The following MOV10L1 variants were observed in gnomAD, a reference collection of about 807,000 sequenced individuals.
The protein encoded by MOV10L1 is RNA helicase Mov10l1.
MOV10L1 carries 110 observed loss-of-function variants against 143.8 expected under a neutral mutation model. That is an observed-to-expected ratio of 0.76 (90% CI 0.66 to 0.90). The LOEUF (loss-of-function observed/expected upper bound fraction) is 0.90. MOV10L1 is among the 40% of genes least tolerant of loss of function. The pLI is 0.00. For missense variants in MOV10L1, 1,406 were observed against 1,526.8 expected (o/e 0.92, Z 1.32); for synonymous variants, 593 against 581.1 (o/e 1.02, Z -0.29).
rs1569055013 is a variant in MOV10L1 at position 50,158,582 on chromosome 22, T to C, written c.3216+376T>C. The C allele has an allele frequency of 5.0e-6, 1 of 201,244 alleles. No individual in the cohort carries two copies. Among genetic ancestry groups the C allele is most frequent in the Non-Finnish European group, 1.0e-5 (1 of 98,770 alleles). The allele number at this position is 201,244 out of a possible 1,614,324, so 12.5% of individuals were successfully genotyped here. A position where few individuals can be genotyped will look rare whatever the true frequency, so the allele number is the denominator to read the frequency against. ...GGACGCTTCTCATTTCGTATGACTC[T>C]GTGATGTGATTATAGGAGAGTTAGC... On this transcript the variant is annotated intron_variant, in intron 23 of 26. Transcript: ENST00000262794. The surrounding 1 kb of genome is among the most constrained non-coding windows in gnomAD (Gnocchi z 5.0).
chr22:50,129,194 C>T (rs556311003), intron 13 of MOV10L1, among the ~76,000 whole-genome samples: 3 of 152,152 alleles, frequency 2.0e-5, no homozygotes, highest in Admixed American at 2.0e-4. Context: ...TTTCCCAGAT[C>T]TCATGTGCAC....
Position 50,152,979 on chromosome 22 carries a change from T to G in MOV10L1, c.2893-66T>G. ...CTCACGTTTGCTGTGCAGAGCCGCTTTTCGTTCGACAGAAACTGTGCCGGG... is the reference window on the plus strand; with the variant it reads ...CTCACGTTTGCTGTGCAGAGCCGCTGTTCGTTCGACAGAAACTGTGCCGGG... On this transcript the variant is annotated intron_variant, in intron 21 of 26. Transcript: ENST00000262794. This position sits in a 1 kb window ranked among gnomAD's most constrained non-coding sequence, Gnocchi z 4.4. The G allele has an allele frequency of 6.7e-7, 1 of 1,500,250 alleles. No homozygotes were observed. The highest frequency in any genetic ancestry group is 1.3e-5 in the South Asian group (1 of 78,340). The allele number at this position is 1,500,250 out of a possible 1,614,324, so 92.9% of individuals were successfully genotyped here. A position where few individuals can be genotyped will look rare whatever the true frequency, so the allele number is the denominator to read the frequency against.
chr22:50,155,943 C>T (rs1040738044), intron 22 of MOV10L1, among the ~76,000 whole-genome samples: 1 of 152,088 alleles, frequency 6.6e-6, no homozygotes, highest in African/African-American at 2.4e-5. Context: ...CCCAGCTACT[C>T]AGGAGGCTGA....
chr22:50,141,437 T>C (rs1483192620), intron 15 of MOV10L1, among the ~76,000 whole-genome samples: 2 of 150,128 alleles, frequency 1.3e-5, no homozygotes, highest in African/African-American at 4.9e-5. Flanking sequence ...CAAGTGATCC[T>C]CCCACCTCAG....
At chr22:50,093,994 G>C (rs1011118696) in intron 2 of MOV10L1, 1 of 152,254 alleles carries the variant, frequency 6.6e-6, no homozygotes, top group Non-Finnish European at 1.5e-5. Flanking sequence ...ATGTGGTCCT[G>C]ATGCTTGTAA....
intron 9 of MOV10L1, among the ~76,000 whole-genome samples, chr22:50,120,003 G>T (rs1313806371): frequency 6.6e-6 from 1 of 152,042 alleles, no homozygotes; most frequent in African/African-American, 2.4e-5. Context: ...CCAGAGCAGC[G>T]ATGTTCTTCA....
At chr22:50,155,490 T>A (rs2063402793) in intron 22 of MOV10L1, among the ~76,000 whole-genome samples, 1 of 152,142 alleles carries the variant, frequency 6.6e-6, no homozygotes, top group African/African-American at 2.4e-5. Context: ...ATCTGTTTTG[T>A]TTTGAGACAG....
rs1358590785 is a variant in MOV10L1, at chr22:50,150,790, C to T, written c.2783C>T (p.Ala928Val). Residue 928 changes from alanine (A) to valine (V), a missense_variant, in exon 21 of 27, where the codon GCC (alanine) becomes GTC (valine). Ala to Val is a moderately conservative substitution (Grantham distance 64). Coordinates refer to ENST00000262794, the MANE Select transcript of MOV10L1 (RefSeq NM_018995.3). ...GGCCCAGTCATTAAGTCCAGACTCGCCATGGCCTATGGGCTGAACGTGTCC... is the reference window on the plus strand; with the variant it reads ...GGCCCAGTCATTAAGTCCAGACTCGTCATGGCCTATGGGCTGAACGTGTCC... ...QLGPVIKSRL[A>V]MAYGLNVSFL... 6.2e-7 allele frequency: 1 copy of T among 1,614,094 alleles called. No homozygotes were observed. The highest frequency in any genetic ancestry group is 1.7e-5 in the Admixed American group (1 of 60,006).
rs138255 is a variant in MOV10L1 at position 50,133,454 on chromosome 22, T to TA, written c.1911-536dup. Among the ~76,000 whole-genome samples, 991 of 127,230 alleles carry TA rather than the reference T, an allele frequency of 7.8e-3. 10 individuals carry two copies. The highest frequency in any genetic ancestry group is 0.04 in the Middle Eastern group (10 of 252). 83.5% of individuals were successfully genotyped at this position (127,230 alleles called of 152,430 possible). A position where few individuals can be genotyped will look rare whatever the true frequency, so the allele number is the denominator to read the frequency against. On this transcript the variant is annotated intron_variant, in intron 13 of 26. Coordinates refer to ENST00000262794, the MANE Select transcript of MOV10L1 (RefSeq NM_018995.3). ...AGCCTAGGCAACAGAGCAGAGTCTC[T>TA]AAAAAAAAAAAAAAAAAGAAAGAAA...
intron 5 of MOV10L1, among the ~76,000 whole-genome samples, chr22:50,110,338 A>G (rs1446613927): frequency 1.3e-5 from 2 of 150,880 alleles, no homozygotes; most frequent in African/African-American, 2.4e-5. Context: ...AGTCCCAGCT[A>G]CTCGGGAGGC....
At position 50,090,448 on chromosome 22, in the gene MOV10L1, C is replaced by T. The variant is rs540267845; in HGVS notation, c.97+263C>T. On this transcript the variant is annotated intron_variant, in intron 1 of 26. Coordinates refer to ENST00000262794, the MANE Select transcript of MOV10L1 (RefSeq NM_018995.3). ...TTCCCGCCCTCACTTTGTGTGTTTA[C>T]GCCGAGCAGCTGCCAAGTCGTCTCT... 65 of 1,603,444 alleles carry T rather than the reference C, an allele frequency of 4.1e-5. No homozygotes were observed. In the South Asian group the frequency reaches 4.4e-4, roughly 11 times the overall value.
At chr22:50,125,277 A>G (rs1280511092) in intron 10 of MOV10L1, 115 bp from the exon 11 acceptor site, 2 of 1,058,348 alleles carry the variant, frequency 1.9e-6, no homozygotes, top group East Asian at 2.4e-5. Flanking sequence ...GGATCGCCCC[A>G]CCTGGGGGGC....
intron 16 of MOV10L1, among the ~76,000 whole-genome samples, chr22:50,142,514 G>A (rs551976814): frequency 6.6e-5 from 10 of 152,082 alleles, no homozygotes; most frequent in African/African-American, 1.9e-4. Flanking sequence ...AGCTGCATTC[G>A]TTCTCCTGAC....
chr22:50,153,885 C>T (rs1334954302), intron 22 of MOV10L1, among the ~76,000 whole-genome samples: 1 of 151,728 alleles, frequency 6.6e-6, no homozygotes, highest in African/African-American at 2.4e-5. Flanking sequence ...AGGGCTGCAC[C>T]CGGGCCACAC....
chr22:50,120,364 G>A, intron 9 of MOV10L1, 138 bp from the exon 10 acceptor site: 1 of 620,232 alleles, frequency 1.6e-6, no homozygotes, highest in Non-Finnish European at 2.8e-6. Context: ...CCTTAGACCA[G>A]CTATTCATAT....
At chr22:50,133,968 T>C (rs748969034) in intron 13 of MOV10L1, 39 bp from the exon 14 acceptor site, 2 of 1,567,258 alleles carry the variant, frequency 1.3e-6, no homozygotes, top group East Asian at 2.2e-5. Context: ...TATTTCTGAA[T>C]GTAAGGTTAG....
At position 50,149,396 on chromosome 22, in the gene MOV10L1, G is replaced by C. The variant is rs143729226; in HGVS notation, c.2628-219G>C. The C allele has an allele frequency of 1.8e-5, 10 of 554,844 alleles. No homozygotes were observed. In the East Asian group the frequency reaches 3.0e-4, roughly 17 times the overall value. The allele number at this position is 554,844 out of a possible 1,614,324, so 34.4% of individuals were successfully genotyped here. On this transcript the variant is annotated intron_variant, in intron 19 of 26. Coordinates refer to ENST00000262794, the MANE Select transcript of MOV10L1 (RefSeq NM_018995.3). ...CCACATCTCTAGAAATACAGACGCTGCGTGCAAAGCACTGGGTGCTGATGT... is the reference window on the plus strand; with the variant it reads ...CCACATCTCTAGAAATACAGACGCTCCGTGCAAAGCACTGGGTGCTGATGT...
Position 50,134,033 on chromosome 22 carries a change from C to G in MOV10L1, c.1937C>G (p.Ala646Gly). ...ACCACAAGCAGACGGTGTCACTTTG[C>G]ACTTGAACACGTCATCCACTTAGGT... ...NRTTSRRCHF[A>G]LEHVIHLGVK... The change falls in exon 14 of 27, where the codon GCA becomes GGA. Residue 646 changes from alanine to glycine, a missense_variant. By Grantham distance (60) the Ala-to-Gly change is moderately conservative. This residue lies in a region of MOV10L1 where 1,233 missense variants were observed against 1,351.4 expected (regional missense o/e 0.91). Coordinates refer to ENST00000262794, the MANE Select transcript of MOV10L1 (RefSeq NM_018995.3). The G allele has an allele frequency of 8.1e-6, 13 of 1,612,120 alleles. No homozygotes were observed. Among genetic ancestry groups the G allele is most frequent in the Non-Finnish European group, 9.3e-6 (11 of 1,179,562 alleles).
intron 3 of MOV10L1, among the ~76,000 whole-genome samples, chr22:50,102,801 T>A (rs2061778598): frequency 6.6e-6 from 1 of 151,930 alleles, no homozygotes; most frequent in African/African-American, 2.4e-5. Context: ...CTCTGGAGGC[T>A]AAGGCAGGAG....
Sources: allele counts gnomAD v4.1 joint callset (sites outside exome capture counted in the v4.1 genomes callset), GRCh38; gene constraint gnomAD v4.1.1; regional missense constraint gnomAD v4.1.1; non-coding constraint Gnocchi (gnomAD v3.1); transcripts MANE v1.5; gene names NCBI Gene and HGNC (gene_info 2026-07-23, HGNC 2026-07-21).